PTCH1: variants seen among roughly 807,000 people sequenced by gnomAD.
PTCH1 encodes the protein patched 1.
A neutral mutation model predicts 144.6 loss-of-function variants in PTCH1; 14 were observed. The ratio of observed to expected loss-of-function variants is 0.10; its 90% CI spans 0.06 to 0.15. The LOEUF (loss-of-function observed/expected upper bound fraction) is 0.15. Among genes scored for constraint, PTCH1 ranks in the 10% least tolerant of loss-of-function variants. PTCH1 has a pLI of 1.00. For synonymous variants in PTCH1, 833 were observed against 793.6 expected, an observed-to-expected ratio of 1.05 and a Z score of -0.83; for missense variants, 1,623 against 1,948.3, an observed-to-expected ratio of 0.83 and a Z score of 3.14.
chr9:95,477,840 G>T (rs1222368013), intron 9 of PTCH1, 138 bp from the exon 10 acceptor site: 9 of 1,446,508 alleles, frequency 6.2e-6, no homozygotes, highest in African/African-American at 2.8e-5. Flanking sequence ...CATCAAGGGC[G>T]TCACATAAAA....
Position 95,477,919 on chromosome 9 carries a change from G to A in PTCH1, c.1347+136C>T, listed in dbSNP as rs1011568256. On this transcript the variant is annotated intron_variant, in intron 9 of 23. Coordinates refer to ENST00000331920, the MANE Select transcript of PTCH1 (RefSeq NM_000264.5). Reference sequence around the variant, plus strand: ...TTTACACGACCACTTTTAAACCACTGTGAAGCCACGCTCTCTCTGTCCTGG... The same window carrying A: ...TTTACACGACCACTTTTAAACCACTATGAAGCCACGCTCTCTCTGTCCTGG... 2.0e-6 allele frequency: 3 copies of A among 1,520,578 alleles called. No individual in the cohort carries two copies. In the Admixed American group the frequency reaches 5.4e-5, roughly 27 times the overall value. The allele number at this position is 1,520,578 out of a possible 1,614,324, so 94.2% of individuals were successfully genotyped here. A position where few individuals can be genotyped will look rare whatever the true frequency, so the allele number is the denominator to read the frequency against.
At chr9:95,453,641 C>T in intron 19 of PTCH1, 21 bp from the exon 20 acceptor site, 1 of 1,612,864 alleles carries the variant, frequency 6.2e-7, no homozygotes, top group Non-Finnish European at 8.5e-7. Context: ...AGGATGTTCA[C>T]AAGATCAGGT....
chr9:95,468,806 A>T lies in PTCH1; in HGVS notation c.2195T>A (p.Leu732His), dbSNP rs1229587325. ...ATAGTGCTTCTCAGCAAAAGATGAG[A>T]GTGTCCACTTCGTACAGGGGGGCTC... ...CLEPPCTKWT[L>H]SSFAEKHYAP... Residue 732 changes from leucine (L) to histidine (H), a missense_variant, in exon 14 of 24, where the codon CTC becomes CAC. By Grantham distance (99) the Leu-to-His change is moderately conservative (BLOSUM62 -3). Transcript: ENST00000331920. The T allele has an allele frequency of 6.2e-7, 1 of 1,614,194 alleles. No individual in the cohort carries two copies.
chr9:95,505,993 G>A (rs1050540065), intron 2 of PTCH1, among the ~76,000 whole-genome samples: 3 of 147,844 alleles, frequency 2.0e-5, no homozygotes, highest in Admixed American at 6.7e-5. Context: ...CTTTGGACGC[G>A]GTGGGTGGGG....
At chr9:95,471,828 T>C (rs1480447717) in intron 12 of PTCH1, among the ~76,000 whole-genome samples, 1 of 152,000 alleles carries the variant, frequency 6.6e-6, no homozygotes, top group South Asian at 2.1e-4. Flanking sequence ...TCACCTGAGG[T>C]TGGAGTTCGA....
In PTCH1 at chr9:95,464,685, T is replaced by G. The variant is rs527672543; in HGVS notation, c.2560+2431A>C. On this transcript the variant is annotated intron_variant, in intron 15 of 23. Coordinates refer to ENST00000331920, the MANE Select transcript of PTCH1 (RefSeq NM_000264.5). ...GTTTTGAAATTAACCATTATATAGTTTTAGGAGTAAAAAAAATCAAAGACA... is the reference window on the plus strand; with the variant it reads ...GTTTTGAAATTAACCATTATATAGTGTTAGGAGTAAAAAAAATCAAAGACA... Among the ~76,000 whole-genome samples, 3 of 152,124 alleles carry G rather than the reference T, an allele frequency of 2.0e-5. No individual in the cohort carries two copies. In the South Asian group the frequency reaches 6.2e-4, roughly 32 times the overall value.
At chr9:95,472,501 GC>G (rs891550577) in intron 12 of PTCH1, among the ~76,000 whole-genome samples, 1 of 152,190 alleles carries the variant, frequency 6.6e-6, no homozygotes, top group African/African-American at 2.4e-5. Context: ...CATCCTGGGG[GC>G]CGAATCCTTT....
intron 2 of PTCH1, among the ~76,000 whole-genome samples, chr9:95,506,041 C>T (rs891723191): frequency 6.8e-6 from 1 of 147,968 alleles, no homozygotes; most frequent in African/African-American, 2.4e-5. Context: ...GGAGCGGGGC[C>T]GGGAGAGGCC....
chr9:95,509,274 G>A (rs935906896), upstream of PTCH1, among the ~76,000 whole-genome samples: 41 of 151,620 alleles, frequency 2.7e-4, no homozygotes, highest in African/African-American at 9.2e-4. Context: ...GGTGGAGGGG[G>A]AGAGAGCGAG....
rs1469157945 is a variant in PTCH1 at position 95,481,928 on chromosome 9, A to G, written c.746+21T>C. On this transcript the variant is annotated intron_variant, in intron 5 of 23. Transcript: ENST00000331920. ...GTCCTAGAGAAGTCACAGACATCAGAAAGCATGATCACACACTTACAGGAG... is the reference window on the plus strand; with the variant it reads ...GTCCTAGAGAAGTCACAGACATCAGGAAGCATGATCACACACTTACAGGAG... The G allele has an allele frequency of 3.8e-6, 6 of 1,579,588 alleles. No homozygotes were observed. In the Admixed American group the frequency reaches 6.7e-5, roughly 18 times the overall value.
At chr9:95,490,716 G>A (rs1044559449) in intron 2 of PTCH1, among the ~76,000 whole-genome samples, 1 of 152,272 alleles carries the variant, frequency 6.6e-6, no homozygotes, top group Non-Finnish European at 1.5e-5. Flanking sequence ...CAGAGGCTGG[G>A]AAGAATGAGA....
intron 20 of PTCH1, chr9:95,451,661 G>A (rs1189304306): frequency 6.6e-6 from 1 of 152,240 alleles, no homozygotes; most frequent in Non-Finnish European, 1.5e-5. Flanking sequence ...TACACAGAGG[G>A]ATATGGGGGT....
Position 95,449,410 on chromosome 9 carries a change from G to T in PTCH1, c.3550-87C>A. ...AGCTCAAAGCACGGTATTTTTCAGG[G>T]GCCTCTGTTCCCTGCCCTGGGGCCC... On this transcript the variant is annotated intron_variant, in intron 21 of 23. Coordinates refer to ENST00000331920, the MANE Select transcript of PTCH1 (RefSeq NM_000264.5). This position sits in a 1 kb window ranked among gnomAD's most constrained non-coding sequence, Gnocchi z 5.3. 1 of 1,521,960 alleles carries T rather than the reference G, an allele frequency of 6.6e-7. No homozygotes were observed. 94.3% of individuals were successfully genotyped at this position (1,521,960 alleles called of 1,614,324 possible).
At position 95,508,144 on chromosome 9, in the gene PTCH1, G is replaced by A. The variant is rs750650083; in HGVS notation, c.201+17C>T. On this transcript the variant is annotated intron_variant, in intron 1 of 23. Transcript: ENST00000331920. ...GAGGAGGGAAGAGAAAGTGGGAGGAGAGAGTCTGAAATGCACCTTGGAAAT... is the reference window on the plus strand; with the variant it reads ...GAGGAGGGAAGAGAAAGTGGGAGGAAAGAGTCTGAAATGCACCTTGGAAAT... 4 of 1,612,338 alleles carry A rather than the reference G, an allele frequency of 2.5e-6. No homozygotes were observed. Among genetic ancestry groups the A allele is most frequent in the East Asian group, 2.2e-5 (1 of 44,854 alleles).
chr9:95,461,993 G>C lies in PTCH1; in HGVS notation c.2566C>G (p.Gln856Glu), dbSNP rs2136689871. The change falls in exon 16 of 24, where the codon CAG (glutamine) becomes GAG (glutamate). Residue 856 changes from glutamine (Q) to glutamate (E), a missense_variant. By Grantham distance (29) the Gln-to-Glu change is conservative. Coordinates refer to ENST00000331920, the MANE Select transcript of PTCH1 (RefSeq NM_000264.5). ...HYFRDWLQGL[Q>E]DAFDSDWETG... is the part of the protein sequence containing the mutation. The stretch of plus-strand genomic sequence containing the variant: ...TCCCAGTCACTGTCAAATGCATCCT[G>C]AAGTCCTAGAAATGGCAAATGATTG... The C allele has an allele frequency of 6.2e-7, 1 of 1,614,220 alleles. No homozygotes were observed. Among genetic ancestry groups the C allele is most frequent in the Non-Finnish European group, 8.5e-7 (1 of 1,180,038 alleles).
chr9:95,503,830 C>T (rs1414938576), intron 2 of PTCH1, among the ~76,000 whole-genome samples: 1 of 66,064 alleles, frequency 1.5e-5, no homozygotes, highest in South Asian at 3.2e-4. Flanking sequence ...TCCTGGCTAA[C>T]AAGGTGAAAC....
At chr9:95,512,343 A>C (rs1166057013), upstream of PTCH1, among the ~76,000 whole-genome samples, 1 of 152,038 alleles carries the variant, frequency 6.6e-6, no homozygotes, top group African/African-American at 2.4e-5. Flanking sequence ...CGCACTCCGG[A>C]GCCTCGGCTC....
At chr9:95,468,157 C>G (rs1299824917) in intron 14 of PTCH1, among the ~76,000 whole-genome samples, 3 of 152,172 alleles carry the variant, frequency 2.0e-5, no homozygotes, top group Admixed American at 2.0e-4. Flanking sequence ...AGCCTCGACT[C>G]CCTGGGCTCA....
At chr9:95,473,648 G>C (rs1213037972) in intron 12 of PTCH1, among the ~76,000 whole-genome samples, 2 of 150,836 alleles carry the variant, frequency 1.3e-5, no homozygotes, top group African/African-American at 4.9e-5. Context: ...GGGTTCAAGC[G>C]ATTCTCCTGC....
Sources: gnomAD v4.1 joint callset for allele counts (sites outside exome capture counted in the v4.1 genomes callset) on GRCh38, gnomAD v4.1.1 for gene constraint, Gnocchi (gnomAD v3.1) non-coding constraint, MANE v1.5 for transcripts, NCBI Gene and HGNC (gene_info 2026-07-23, HGNC 2026-07-21) for gene names.